Variants in HS6ST3 observed in about 807,000 individuals in gnomAD.
The protein encoded by HS6ST3 is heparan-sulfate 6-O-sulfotransferase 3.
Under a neutral mutation model 36.7 loss-of-function variants are expected in HS6ST3, and 12 were observed. The observed-to-expected ratio is 0.33, with a 90% CI of 0.21 to 0.53. The LOEUF is 0.53. HS6ST3 is among the 20% of genes least tolerant of loss of function. The pLI, the probability that HS6ST3 is intolerant of heterozygous loss-of-function variation, is 0.95. For synonymous variants in HS6ST3, 240 were observed against 257.5 expected (o/e 0.93, Z 0.65); for missense variants, 584 against 640.9 (o/e 0.91, Z 0.96).
intron 1 of HS6ST3, among the ~76,000 whole-genome samples, chr13:96,339,325 C>CTAGA (rs2055118437): frequency 6.6e-6 from 1 of 152,140 alleles, no homozygotes; most frequent in African/African-American, 2.4e-5. Flanking sequence ...AATTCTCTCT[C>CTAGA]TAGAGCAAGC....
chr13:96,194,197 T>C (rs1385956310), intron 1 of HS6ST3, among the ~76,000 whole-genome samples: 2 of 152,156 alleles, frequency 1.3e-5, no homozygotes, highest in African/African-American at 4.8e-5. Context: ...ATATACAATA[T>C]TGGGAAACCA....
At chr13:96,588,184 A>G (rs1032869980) in intron 1 of HS6ST3, among the ~76,000 whole-genome samples, 13 of 135,094 alleles carry the variant, frequency 9.6e-5, no homozygotes, top group Non-Finnish European at 6.8e-5. Flanking sequence ...AAACAGGGAC[A>G]ATTTACCTTT....
intron 1 of HS6ST3, among the ~76,000 whole-genome samples, chr13:96,548,617 T>C (rs887176250): frequency 7.2e-5 from 11 of 152,224 alleles, no homozygotes; most frequent in African/African-American, 2.7e-4. Flanking sequence ...TGTGTATGTC[T>C]ATCTATCTGT....
chr13:96,660,668 G>T (rs969422458), intron 1 of HS6ST3, among the ~76,000 whole-genome samples: 1 of 152,080 alleles, frequency 6.6e-6, no homozygotes, highest in African/African-American at 2.4e-5. Flanking sequence ...AGAACTCAAA[G>T]AATTCTATTA....
At chr13:96,563,488 AG>A (rs1220044199) in intron 1 of HS6ST3, among the ~76,000 whole-genome samples, 1 of 152,180 alleles carries the variant, frequency 6.6e-6, no homozygotes, top group Non-Finnish European at 1.5e-5. Flanking sequence ...AAGTTGAGAA[AG>A]CTGCTCTATC....
At chr13:96,336,647 C>CCA (rs1275763022) in intron 1 of HS6ST3, among the ~76,000 whole-genome samples, 3 of 152,192 alleles carry the variant, frequency 2.0e-5, no homozygotes, top group Non-Finnish European at 4.4e-5. Flanking sequence ...ACCCTGCCTA[C>CCA]ACTTTGATCT....
chr13:96,356,741 C>G (rs549786153), intron 1 of HS6ST3, among the ~76,000 whole-genome samples: 73 of 152,248 alleles, frequency 4.8e-4, no homozygotes, highest in Middle Eastern at 3.4e-3. Flanking sequence ...TGTAAATGAG[C>G]ATTGGTTTCA....
chr13:96,814,744 C>A (rs1270933047), intron 1 of HS6ST3, among the ~76,000 whole-genome samples: 1 of 151,886 alleles, frequency 6.6e-6, no homozygotes, highest in Non-Finnish European at 1.5e-5. Context: ...TTGCCGGGTC[C>A]CCACTATTTG....
chr13:96,111,791 T>A (rs565605977), intron 1 of HS6ST3, among the ~76,000 whole-genome samples: 1 of 152,336 alleles, frequency 6.6e-6, no homozygotes, highest in South Asian at 2.1e-4. Context: ...GGAATAAGCT[T>A]CGTTAAGGAT....
intron 1 of HS6ST3, among the ~76,000 whole-genome samples, chr13:96,634,878 A>C (rs894630056): frequency 3.3e-4 from 5 of 14,970 alleles, no homozygotes; most frequent in Non-Finnish European, 8.3e-4. Context: ...TACTCCTACA[A>C]GTTTGAGTCA....
chr13:96,187,981 T>C (rs1165928481), intron 1 of HS6ST3, among the ~76,000 whole-genome samples: 3 of 152,352 alleles, frequency 2.0e-5, no homozygotes, highest in Non-Finnish European at 4.4e-5. Context: ...GTTCTAATCA[T>C]GTCATTTGTA....
intron 1 of HS6ST3, among the ~76,000 whole-genome samples, chr13:96,450,109 C>T (rs559283864): frequency 6.8e-4 from 103 of 152,246 alleles, no homozygotes; most frequent in African/African-American, 2.4e-3. Flanking sequence ...GTGGAACTTG[C>T]CCTTCTGACC....
chr13:96,347,432 A>G (rs1946437196), intron 1 of HS6ST3, among the ~76,000 whole-genome samples: 2 of 152,144 alleles, frequency 1.3e-5, no homozygotes, highest in African/African-American at 4.8e-5. Context: ...TTCCTCAGTC[A>G]TTGTTCAGAA....
chr13:96,103,442 G>A (rs983250818), intron 1 of HS6ST3, among the ~76,000 whole-genome samples: 3 of 152,136 alleles, frequency 2.0e-5, no homozygotes, highest in African/African-American at 7.2e-5. Context: ...AGTGCCTAGA[G>A]TAGTGCCTGG....
intron 1 of HS6ST3, among the ~76,000 whole-genome samples, chr13:96,374,047 G>A (rs187243060): frequency 3.9e-5 from 6 of 152,268 alleles, no homozygotes; most frequent in East Asian, 1.9e-4. Context: ...CCCCCAAAGC[G>A]ATAAACACCT....
chr13:96,425,613 CTG>C (rs147773346), intron 1 of HS6ST3, among the ~76,000 whole-genome samples: 9 of 151,206 alleles, frequency 6.0e-5, no homozygotes, highest in East Asian at 1.9e-4. Context: ...TGTAAACCTT[CTG>C]TGTGTGTGTG....
intron 1 of HS6ST3, among the ~76,000 whole-genome samples, chr13:96,634,599 G>A (rs2056542714): frequency 6.6e-6 from 1 of 152,052 alleles, no homozygotes; most frequent in South Asian, 2.1e-4. Context: ...AAAAAGATTA[G>A]CTATTACTCT....
At chr13:96,259,720 T>C (rs1055884196) in intron 1 of HS6ST3, among the ~76,000 whole-genome samples, 23 of 152,220 alleles carry the variant, frequency 1.5e-4, no homozygotes, top group Non-Finnish European at 3.4e-4. Flanking sequence ...ACTTCAATCA[T>C]TGAGTTTTGG....
chr13:96,183,762 C>G (rs1255097295), intron 1 of HS6ST3, among the ~76,000 whole-genome samples: 1 of 151,974 alleles, frequency 6.6e-6, no homozygotes, highest in Non-Finnish European at 1.5e-5. Flanking sequence ...TTTCCAGGAC[C>G]CGGGGGAAGG....
Sources: allele counts gnomAD v4.1 joint callset (sites outside exome capture counted in the v4.1 genomes callset), GRCh38; gene constraint gnomAD v4.1.1; transcripts MANE v1.5; gene names NCBI Gene and HGNC (gene_info 2026-07-23, HGNC 2026-07-21).